BMERB1: variants seen among roughly 807,000 people sequenced by gnomAD.
The protein encoded by BMERB1 is bMERB domain containing 1.
A neutral mutation model predicts 23.6 loss-of-function variants in BMERB1; 12 were observed. The ratio of observed to expected loss-of-function variants is 0.51; its 90% CI spans 0.33 to 0.82. The LOEUF is 0.82. Ranked by LOEUF, BMERB1 falls within the 40% of genes least tolerant of loss-of-function variation. The pLI, the probability that BMERB1 is intolerant of heterozygous loss-of-function variation, is 0.03. For synonymous variants in BMERB1, 122 were observed against 96.6 expected, an observed-to-expected ratio of 1.26 and a Z score of -1.54; for missense variants, 247 against 255.4, an observed-to-expected ratio of 0.97 and a Z score of 0.22.
chr16:15,487,807 G>A (rs2051380909), intron 1 of BMERB1, among the ~76,000 whole-genome samples: 1 of 152,204 alleles, frequency 6.6e-6, no homozygotes, highest in Admixed American at 6.5e-5. Context: ...AACTGACATT[G>A]CCATGGCATT....
In BMERB1 at chr16:15,515,339, C is replaced by G. The variant is rs778527588; in HGVS notation, c.141C>G (p.Thr47=). 3 of 1,613,726 alleles carry G rather than the reference C, an allele frequency of 1.9e-6. No homozygotes were observed. Among genetic ancestry groups the G allele is most frequent in the Non-Finnish European group, 2.5e-6 (3 of 1,180,014 alleles). ...ACATCATCTCCATGGCGGAGACAAC[C>G]ATGATGCCAGAGGAGATTGAGCTGG... ...QLDIISMAET[T]MMPEEIELEM... The change falls in exon 2 of 6, where the codon ACC becomes ACG. Residue 47 remains threonine (T), a synonymous_variant. Coordinates refer to ENST00000300006, the MANE Select transcript of BMERB1 (RefSeq NM_033201.3).
chr16:15,539,237 C>G (rs1392689729), intron 2 of BMERB1, among the ~76,000 whole-genome samples: 2 of 152,086 alleles, frequency 1.3e-5, no homozygotes, highest in Non-Finnish European at 2.9e-5. Context: ...AACCTAGATC[C>G]CTCACATGCA....
rs867803318 is a variant in BMERB1 at position 15,456,231 on chromosome 16, T to A, written c.106+21472T>A. ...GTTGGACATATGTTAACACATGGAT[T>A]TTAAAAAATGAATTGGATGATATGT... On this transcript the variant is annotated intron_variant, in intron 1 of 5. Coordinates refer to ENST00000300006, the MANE Select transcript of BMERB1 (RefSeq NM_033201.3). Among the ~76,000 whole-genome samples, 538 of 152,346 alleles carry A rather than the reference T, an allele frequency of 3.5e-3. 4 individuals are homozygous for A. Among genetic ancestry groups the A allele is most frequent in the African/African-American group, 0.012 (509 of 41,582 alleles).
chr16:15,580,385 G>A (rs1189974136), intron 3 of BMERB1, among the ~76,000 whole-genome samples: 1 of 150,526 alleles, frequency 6.6e-6, no homozygotes, highest in African/African-American at 2.4e-5. Flanking sequence ...ATTACAGGTG[G>A]CAGGCACTAT....
intron 2 of BMERB1, among the ~76,000 whole-genome samples, chr16:15,559,137 A>G (rs1371226679): frequency 1.3e-5 from 2 of 152,282 alleles, no homozygotes; most frequent in South Asian, 4.2e-4. Context: ...TATGTCACCT[A>G]TATGGCACTA....
At chr16:15,474,886 A>G (rs1159649448) in intron 1 of BMERB1, among the ~76,000 whole-genome samples, 1 of 151,604 alleles carries the variant, frequency 6.6e-6, no homozygotes, top group East Asian at 2.0e-4. Flanking sequence ...TGGGGTTTCA[A>G]CATGTTGGCC....
intron 2 of BMERB1, among the ~76,000 whole-genome samples, chr16:15,553,926 T>C (rs746853217): frequency 1.3e-5 from 2 of 152,136 alleles, no homozygotes; most frequent in Non-Finnish European, 2.9e-5. Flanking sequence ...CATGCCATGC[T>C]CTCACTCTAG....
intron 1 of BMERB1, among the ~76,000 whole-genome samples, chr16:15,435,338 T>A (rs1389363803): frequency 6.6e-6 from 1 of 152,208 alleles, no homozygotes; most frequent in East Asian, 1.9e-4. Flanking sequence ...CTCTCTTGAC[T>A]CAGTTAAAGT....
At position 15,587,901 on chromosome 16, in the gene BMERB1, ACT is replaced by A. The variant is rs1228716091; in HGVS notation, c.*1074_*1075del. Reference sequence around the variant, plus strand: ...GTGACCAGCCTAAGTAGTTAGCATAACTCAAGATGCTGATGTGCAGTCACCCA... The same window carrying A: ...GTGACCAGCCTAAGTAGTTAGCATAACAAGATGCTGATGTGCAGTCACCCA... On this transcript the variant is annotated 3_prime_UTR_variant, in exon 6 of 6. Coordinates refer to ENST00000300006, the MANE Select transcript of BMERB1 (RefSeq NM_033201.3). 6.4e-6 allele frequency: 1 copy of A among 155,290 alleles called. No individual in the cohort carries two copies. Among genetic ancestry groups the A allele is most frequent in the African/African-American group, 2.4e-5 (1 of 41,506 alleles). 9.6% of individuals were successfully genotyped at this position (155,290 alleles called of 1,614,324 possible). A position where few individuals can be genotyped will look rare whatever the true frequency, so the allele number is the denominator to read the frequency against.
At chr16:15,449,075 CG>C (rs1263966826) in intron 1 of BMERB1, among the ~76,000 whole-genome samples, 1 of 152,100 alleles carries the variant, frequency 6.6e-6, no homozygotes, top group East Asian at 1.9e-4. Flanking sequence ...AACAAAAAAA[CG>C]ATAAGGCCCC....
intron 3 of BMERB1, among the ~76,000 whole-genome samples, chr16:15,568,880 C>G (rs1346702982): frequency 1.3e-5 from 2 of 152,118 alleles, no homozygotes; most frequent in Non-Finnish European, 2.9e-5. Flanking sequence ...CCCTGCCCAT[C>G]AGGCTGTGTT....
chr16:15,506,033 T>G (rs144599010), intron 1 of BMERB1, among the ~76,000 whole-genome samples: 4 of 152,242 alleles, frequency 2.6e-5, no homozygotes, highest in African/African-American at 9.6e-5. Context: ...AGCATGGGCA[T>G]TGGGATCAGA....
At chr16:15,474,237 G>A (rs1598459077) in intron 1 of BMERB1, among the ~76,000 whole-genome samples, 1 of 151,686 alleles carries the variant, frequency 6.6e-6, no homozygotes, top group Admixed American at 6.6e-5. Flanking sequence ...ATCTTATTTG[G>A]GATTTTCTCA....
In BMERB1 at chr16:15,511,511, C is replaced by G. The variant is rs1228032436; in HGVS notation, c.107-3794C>G. ...CCCCTCTCCAACCCAATAGCAGATT[C>G]TGCACTATTTATGTTCTGCACTTAT... is the stretch of plus-strand genomic sequence containing the variant. On this transcript the variant is annotated intron_variant, in intron 1 of 5. Coordinates refer to ENST00000300006, the MANE Select transcript of BMERB1 (RefSeq NM_033201.3). 2.6e-5 allele frequency among the ~76,000 whole-genome samples: 4 copies of G among 152,206 alleles called. No homozygotes were observed. In the East Asian group the frequency reaches 7.7e-4, roughly 29 times the overall value.
At chr16:15,451,048 A>C (rs1326560515) in intron 1 of BMERB1, among the ~76,000 whole-genome samples, 2 of 152,218 alleles carry the variant, frequency 1.3e-5, no homozygotes, top group Non-Finnish European at 2.9e-5. Flanking sequence ...AGCCTCATGC[A>C]TGAAACTTTA....
chr16:15,483,701 C>G (rs2051343988), intron 1 of BMERB1, among the ~76,000 whole-genome samples: 1 of 152,048 alleles, frequency 6.6e-6, no homozygotes, highest in African/African-American at 2.4e-5. Context: ...TGTTTGAGTC[C>G]CAGCTCTCTG....
At chr16:15,458,533 G>A (rs903899990) in intron 1 of BMERB1, among the ~76,000 whole-genome samples, 1 of 151,552 alleles carries the variant, frequency 6.6e-6, no homozygotes, top group African/African-American at 2.4e-5. Context: ...TGGGCAACAT[G>A]GTGAAACCCC....
chr16:15,481,732 T>A (rs1470370088), intron 1 of BMERB1, among the ~76,000 whole-genome samples: 1 of 151,710 alleles, frequency 6.6e-6, no homozygotes, highest in Non-Finnish European at 1.5e-5. Context: ...TCTTTCTTTT[T>A]TTTTTTTGAG....
At position 15,464,011 on chromosome 16, in the gene BMERB1, T is replaced by C. The variant is rs1020821583; in HGVS notation, c.106+29252T>C. On this transcript the variant is annotated intron_variant, in intron 1 of 5. Transcript: ENST00000300006. ...CATAGAGTAAAGTGAAAGTAGTTTA[T>C]TAGAGAAGTAAAGAATCAAGGCCGC... Among the ~76,000 whole-genome samples the C allele has an allele frequency of 5.9e-5, 9 of 152,010 alleles. No homozygotes were observed. The East Asian group carries it at 1.2e-3, about 20-fold the overall frequency.
Sources: gnomAD v4.1 joint callset for allele counts (sites outside exome capture counted in the v4.1 genomes callset) on GRCh38, gnomAD v4.1.1 for gene constraint, MANE v1.5 for transcripts, NCBI Gene and HGNC (gene_info 2026-07-23, HGNC 2026-07-21) for gene names.